The following L3MBTL3 variants were observed in gnomAD, a reference collection of about 807,000 sequenced individuals.
The protein encoded by L3MBTL3 is L3MBTL histone methyl-lysine binding protein 3.
L3MBTL3 carries 27 observed loss-of-function variants against 102.3 expected under a neutral mutation model. The observed-to-expected ratio is 0.26, with a 90% CI of 0.19 to 0.36. The LOEUF is 0.36. Ranked by LOEUF, L3MBTL3 falls within the 10% of genes least tolerant of loss-of-function variation. The probability of loss-of-function intolerance (pLI) is 1.00; values close to 1 mark genes in which losing one functional copy is unlikely to be tolerated. For missense variants in L3MBTL3, 798 were observed against 955.3 expected (o/e 0.84, Z 2.17); for synonymous variants, 340 against 320.9 (o/e 1.06, Z -0.64).
rs1782594987 is a variant in L3MBTL3, at chr6:130,070,863, A to G, written c.1093-113A>G. ...GAAACTGGCATATGATTTTTAAATT[A>G]TGTGAATACAGCAGTGGATGCTGGG... On this transcript the variant is annotated intron_variant, in intron 12 of 22. Transcript: ENST00000361794. 4 of 336,192 alleles carry G rather than the reference A, an allele frequency of 1.2e-5. No homozygotes were observed. The South Asian group carries it at 3.0e-4, about 25-fold the overall frequency. 20.8% of individuals were successfully genotyped at this position (336,192 alleles called of 1,614,324 possible).
intron 18 of L3MBTL3, among the ~76,000 whole-genome samples, chr6:130,102,773 C>G (rs1368219336): frequency 6.6e-6 from 1 of 152,204 alleles, no homozygotes; most frequent in African/African-American, 2.4e-5. Context: ...TGCTCGGGTG[C>G]TTCTTCTCCA....
At chr6:130,104,129 T>C (rs1004357869) in intron 18 of L3MBTL3, among the ~76,000 whole-genome samples, 2 of 152,214 alleles carry the variant, frequency 1.3e-5, no homozygotes, top group Non-Finnish European at 2.9e-5. Context: ...TTCTTGGGGC[T>C]GATTGTTTCC....
At chr6:130,102,721 A>G (rs1784770302) in intron 18 of L3MBTL3, among the ~76,000 whole-genome samples, 1 of 152,128 alleles carries the variant, frequency 6.6e-6, no homozygotes, top group Non-Finnish European at 1.5e-5. Flanking sequence ...ATTCTTTCCC[A>G]CATTGTTTCC....
chr6:130,058,758 A>G (rs868299666), intron 9 of L3MBTL3, among the ~76,000 whole-genome samples: 2 of 152,340 alleles, frequency 1.3e-5, no homozygotes, highest in African/African-American at 2.4e-5. Context: ...GGGCATCGCT[A>G]TGTTCCAGTA....
In L3MBTL3 at chr6:130,049,746, A is replaced by T. The variant is rs755188379; in HGVS notation, c.215-10A>T. 6.2e-7 allele frequency: 1 copy of T among 1,613,916 alleles called. No individual in the cohort carries two copies. The highest frequency in any genetic ancestry group is 8.5e-7 in the Non-Finnish European group (1 of 1,179,900). On this transcript the variant is annotated splice_polypyrimidine_tract_variant and intron_variant, in intron 4 of 22. Transcript: ENST00000361794. ...CTATATGCTGATGACTCCTAAATCT[A>T]CATCTCCAGCCCCGACCTCTCCCCC...
chr6:130,114,815 A>G (rs183363776), intron 19 of L3MBTL3, among the ~76,000 whole-genome samples: 85 of 152,320 alleles, frequency 5.6e-4, no homozygotes, highest in African/African-American at 1.9e-3. Context: ...TCATAGTTGC[A>G]GAAGTTTTAG....
chr6:130,089,062 CTTTT>C, intron 16 of L3MBTL3, among the ~76,000 whole-genome samples: 1 of 151,916 alleles, frequency 6.6e-6, no homozygotes, highest in South Asian at 2.1e-4. Flanking sequence ...AGTACTCTAT[CTTTT>C]TATTATTATT....
At chr6:130,091,643 G>A (rs139533585) in intron 16 of L3MBTL3, among the ~76,000 whole-genome samples, 225 of 151,926 alleles carry the variant, frequency 1.5e-3, no homozygotes, top group African/African-American at 4.9e-3. Flanking sequence ...AAGAGAAGTG[G>A]TATATATACA....
At chr6:130,032,973 A>G (rs1008532830) in intron 2 of L3MBTL3, among the ~76,000 whole-genome samples, 2 of 152,228 alleles carry the variant, frequency 1.3e-5, no homozygotes, top group Non-Finnish European at 2.9e-5. Context: ...AGCATGGGCA[A>G]CAGAGCAAGA....
chr6:130,089,683 A>G (rs1215279907), intron 16 of L3MBTL3, among the ~76,000 whole-genome samples: 3 of 152,168 alleles, frequency 2.0e-5, no homozygotes, highest in African/African-American at 7.2e-5. Flanking sequence ...ACTCCCACCA[A>G]AAGTGTAAAG....
chr6:130,129,434 T>A (rs989356158), intron 20 of L3MBTL3, among the ~76,000 whole-genome samples: 4 of 152,196 alleles, frequency 2.6e-5, no homozygotes, highest in Admixed American at 2.6e-4. Flanking sequence ...CTGTTGAGGA[T>A]GACAGCTTTG....
chr6:130,081,289 CACAT>C (rs2115097572), intron 14 of L3MBTL3, among the ~76,000 whole-genome samples: 1 of 152,322 alleles, frequency 6.6e-6, no homozygotes, highest in East Asian at 1.9e-4. Flanking sequence ...CAAAGTCACA[CACAT>C]GCATGCGTAC....
intron 20 of L3MBTL3, among the ~76,000 whole-genome samples, chr6:130,127,299 T>C (rs1786672985): frequency 6.6e-6 from 1 of 152,084 alleles, no homozygotes; most frequent in Non-Finnish European, 1.5e-5. Context: ...TCTCTGCACG[T>C]GGGAAAGAAG....
At chr6:130,107,186 G>C (rs535404852) in intron 19 of L3MBTL3, among the ~76,000 whole-genome samples, 1 of 140,794 alleles carries the variant, frequency 7.1e-6, no homozygotes, top group East Asian at 2.1e-4. Context: ...GTGCTCTGTA[G>C]AGGTGTTCAT....
chr6:130,025,701 T>A (rs1779298023), intron 2 of L3MBTL3, among the ~76,000 whole-genome samples: 1 of 152,152 alleles, frequency 6.6e-6, no homozygotes, highest in South Asian at 2.1e-4. Flanking sequence ...ATAAGAATGA[T>A]ATGTATATTA....
At chr6:130,053,945 T>G (rs908095995) in intron 7 of L3MBTL3, among the ~76,000 whole-genome samples, 2 of 152,156 alleles carry the variant, frequency 1.3e-5, no homozygotes, top group Non-Finnish European at 2.9e-5. Context: ...AGGGGGTAGT[T>G]AATCTACAAA....
At chr6:130,106,751 C>T (rs1357835617) in intron 19 of L3MBTL3, among the ~76,000 whole-genome samples, 2 of 152,138 alleles carry the variant, frequency 1.3e-5, no homozygotes, top group Non-Finnish European at 2.9e-5. Context: ...ACATTTTTTC[C>T]AAGAGGTCAA....
chr6:130,062,238 T>TC (rs1450990996), intron 10 of L3MBTL3, among the ~76,000 whole-genome samples: 1 of 152,128 alleles, frequency 6.6e-6, no homozygotes, highest in Non-Finnish European at 1.5e-5. Flanking sequence ...CTGTTTCAGA[T>TC]CCCCCTTCCT....
intron 14 of L3MBTL3, among the ~76,000 whole-genome samples, chr6:130,079,451 T>C (rs1188314768): frequency 6.6e-6 from 1 of 152,176 alleles, no homozygotes; most frequent in Non-Finnish European, 1.5e-5. Flanking sequence ...TTTTATGTGC[T>C]AAAGAACAGA....
Sources: allele counts gnomAD v4.1 joint callset (sites outside exome capture counted in the v4.1 genomes callset), GRCh38; gene constraint gnomAD v4.1.1; transcripts MANE v1.5; gene names NCBI Gene and HGNC (gene_info 2026-07-23, HGNC 2026-07-21).